The following TNRC6A variants were observed in gnomAD, a reference collection of about 807,000 sequenced individuals.
TNRC6A encodes trinucleotide repeat-containing gene 6A protein.
Under a neutral mutation model 221.2 loss-of-function variants are expected in TNRC6A, and 44 were observed. The ratio of observed to expected loss-of-function variants is 0.20; its 90% CI spans 0.16 to 0.26. The LOEUF (loss-of-function observed/expected upper bound fraction) is 0.26, where lower values mean the gene tolerates loss of function less well. Ranked by LOEUF, TNRC6A falls within the 10% of genes least tolerant of loss-of-function variation. TNRC6A has a pLI of 1.00. For synonymous variants in TNRC6A, 847 were observed against 838.5 expected, an observed-to-expected ratio of 1.01 and a Z score of -0.18; for missense variants, 2,199 against 2,404.4, an observed-to-expected ratio of 0.91 and a Z score of 1.79.
At chr16:24,760,510 T>C (rs1399341295) in intron 4 of TNRC6A, among the ~76,000 whole-genome samples, 1 of 152,234 alleles carries the variant, frequency 6.6e-6, no homozygotes, top group East Asian at 1.9e-4. Context: ...CATTTTGTTG[T>C]TTTGCCAGTG....
At position 24,748,615 on chromosome 16, in the gene TNRC6A, C is replaced by T. The variant is rs199686269; in HGVS notation, c.54-2111C>T. On this transcript the variant is annotated intron_variant, in intron 2 of 24. Transcript: ENST00000395799. ...GTCCTATACTTTACTAAGTTTTTAT[C>T]AATTGTGCATAATGTCATTCATTTC... is the stretch of plus-strand genomic sequence containing the variant. 1.2e-4 allele frequency among the ~76,000 whole-genome samples: 18 copies of T among 152,258 alleles called. No individual in the cohort carries two copies. The East Asian group carries it at 3.3e-3, about 28-fold the overall frequency.
intron 2 of TNRC6A, among the ~76,000 whole-genome samples, chr16:24,696,738 A>AAAAAAAAG (rs2142175501): frequency 6.9e-6 from 1 of 145,504 alleles, no homozygotes; most frequent in Non-Finnish European, 1.5e-5. Context: ...CAAAAAAAAA[A>AAAAAAAAG]AAAAAAAGAA....
chr16:24,805,841 CAT>C (rs201058226), intron 15 of TNRC6A, 108 bp downstream of exon 15: 2 of 1,383,016 alleles, frequency 1.4e-6, no homozygotes, highest in East Asian at 4.6e-5. Flanking sequence ...CAGGCGTAGT[CAT>C]AGTCCTCATG....
intron 2 of TNRC6A, among the ~76,000 whole-genome samples, chr16:24,740,333 A>G (rs1219731013): frequency 6.6e-6 from 1 of 152,200 alleles, no homozygotes; most frequent in East Asian, 1.9e-4. Flanking sequence ...CAGCTTGTCA[A>G]TTTCAGCAAA....
At chr16:24,819,174 T>G (rs770041592) in intron 21 of TNRC6A, among the ~76,000 whole-genome samples, 2 of 152,198 alleles carry the variant, frequency 1.3e-5, no homozygotes, top group African/African-American at 2.4e-5. Flanking sequence ...AGCAGATTAG[T>G]ATGAAACTGT....
At chr16:24,720,071 T>C (rs1307735316) in intron 2 of TNRC6A, among the ~76,000 whole-genome samples, 1 of 152,086 alleles carries the variant, frequency 6.6e-6, no homozygotes, top group Non-Finnish European at 1.5e-5. Flanking sequence ...AGAAGGACTA[T>C]AAGATAACAT....
chr16:24,756,460 T>C (rs17832757), intron 3 of TNRC6A, among the ~76,000 whole-genome samples: 2 of 152,222 alleles, frequency 1.3e-5, no homozygotes, highest in African/African-American at 4.8e-5. Context: ...TCTATACTAC[T>C]ACTTTCATTC....
chr16:24,772,312 C>T (rs1185946161), intron 4 of TNRC6A, among the ~76,000 whole-genome samples: 2 of 152,152 alleles, frequency 1.3e-5, no homozygotes, highest in Admixed American at 6.5e-5. Context: ...ACTGTGCTCT[C>T]CAATAATTTA....
intron 5 of TNRC6A, chr16:24,778,205 G>A (rs2057766789): frequency 1.3e-6 from 1 of 763,970 alleles, no homozygotes; most frequent in African/African-American, 1.9e-5. Flanking sequence ...TGTGACCTTG[G>A]GCAGGTTACT....
At chr16:24,732,893 G>A (rs1313645942) in intron 2 of TNRC6A, among the ~76,000 whole-genome samples, 1 of 152,150 alleles carries the variant, frequency 6.6e-6, no homozygotes, top group East Asian at 1.9e-4. Flanking sequence ...TAACGTGAAA[G>A]CCTCCAAACT....
chr16:24,714,676 GTCTT>G (rs1345272948), intron 2 of TNRC6A, among the ~76,000 whole-genome samples: 1 of 152,028 alleles, frequency 6.6e-6, no homozygotes, highest in South Asian at 2.1e-4. Flanking sequence ...AGAAGTTTAA[GTCTT>G]TCTTTCTAAA....
chr16:24,613,659 C>A (rs757313246), intron 1 of TNRC6A, among the ~76,000 whole-genome samples: 116 of 151,974 alleles, frequency 7.6e-4, no homozygotes, highest in Non-Finnish European at 1.4e-3. Flanking sequence ...TCCTGAGTAG[C>A]TGGGATTACA....
chr16:24,776,831 T>C, intron 4 of TNRC6A, 102 bp from the exon 5 acceptor site: 1 of 1,515,260 alleles, frequency 6.6e-7, no homozygotes, highest in Non-Finnish European at 8.8e-7. Flanking sequence ...CTTCTGTTTT[T>C]TTAGGATTAT....
intron 4 of TNRC6A, among the ~76,000 whole-genome samples, chr16:24,764,421 G>A (rs2057428848): frequency 6.6e-6 from 1 of 151,732 alleles, no homozygotes; most frequent in South Asian, 2.1e-4. Flanking sequence ...CCACTTGCCG[G>A]GTTCAAATGA....
Position 24,639,203 on chromosome 16 carries a change from G to A in TNRC6A, n.277-1681G>A, listed in dbSNP as rs113155245. Among the ~76,000 whole-genome samples the A allele has an allele frequency of 3.2e-3, 492 of 152,232 alleles. 5 individuals are homozygous for A. Among genetic ancestry groups the A allele is most frequent in the African/African-American group, 0.011 (467 of 41,528 alleles). On this transcript the variant is annotated intron_variant and non_coding_transcript_variant, in intron 1 of 2. Transcript: ENST00000566108. ...GTTTGTCATAGAAGATGAGAAAGAC[G>A]GCTGCGTGTGGTAGCTCATGCCTGT...
intron 2 of TNRC6A, among the ~76,000 whole-genome samples, chr16:24,735,278 CGAAA>C (rs961095839): frequency 3.3e-5 from 5 of 151,850 alleles, no homozygotes; most frequent in African/African-American, 1.2e-4. Context: ...AACTCTGTTT[CGAAA>C]GAAAGAAAAG....
At chr16:24,793,950 C>G (rs1418590927) in intron 7 of TNRC6A, among the ~76,000 whole-genome samples, 2 of 152,122 alleles carry the variant, frequency 1.3e-5, no homozygotes, top group Non-Finnish European at 2.9e-5. Flanking sequence ...AACTTTCATG[C>G]CATCCAGCCT....
chr16:24,736,024 G>C (rs1049143767), intron 2 of TNRC6A, among the ~76,000 whole-genome samples: 2 of 152,120 alleles, frequency 1.3e-5, no homozygotes, highest in Admixed American at 1.3e-4. Flanking sequence ...AATTAGCCTG[G>C]TGTGGTGGCA....
In TNRC6A at chr16:24,702,102, TTTTTC is replaced by T. The variant is rs1170743781; in HGVS notation, n.403-48619_403-48615del. Among the ~76,000 whole-genome samples, 93 of 80,236 alleles carry T rather than the reference TTTTTC, an allele frequency of 1.2e-3. 1 individual carries two copies. Among genetic ancestry groups the T allele is most frequent in the East Asian group, 7.8e-3 (10 of 1,282 alleles). 52.6% of individuals were successfully genotyped at this position (80,236 alleles called of 152,430 possible). ...TAAACTCTATTTTCTTTTCTTTTCT[TTTTTC>T]TTTTTTTTTTTTTTTTTTGAGGCAG... On this transcript the variant is annotated intron_variant and non_coding_transcript_variant, in intron 2 of 2. Coordinates refer to the TNRC6A transcript ENST00000566108.
Sources: gnomAD v4.1 joint callset for allele counts (sites outside exome capture counted in the v4.1 genomes callset) on GRCh38, gnomAD v4.1.1 for gene constraint, MANE v1.5 for transcripts, NCBI Gene and HGNC (gene_info 2026-07-23, HGNC 2026-07-21) for gene names.